Variants in CEP192 observed in about 807,000 individuals in gnomAD.
CEP192 encodes the protein centrosomal protein of 192 kDa.
In CEP192, 151 loss-of-function variants were observed where a neutral mutation model predicts 271.8. The ratio of observed to expected loss-of-function variants is 0.56; its 90% CI spans 0.49 to 0.64. The LOEUF (loss-of-function observed/expected upper bound fraction) is 0.64, where lower values mean the gene tolerates loss of function less well. Ranked by LOEUF, CEP192 falls within the 30% of genes least tolerant of loss-of-function variation. The pLI is 0.00. For missense variants in CEP192, 2,910 were observed against 3,020.5 expected (o/e 0.96, Z 0.86); for synonymous variants, 995 against 1,076.5 (o/e 0.92, Z 1.48).
chr18:13,113,055 T>A (rs1213132186), intron 40 of CEP192, among the ~76,000 whole-genome samples: 1 of 152,220 alleles, frequency 6.6e-6, no homozygotes, highest in Non-Finnish European at 1.5e-5. Context: ...GTGCCCAGGG[T>A]CACTGGCTGA....
At chr18:13,047,651 C>T (rs2036555534) in intron 15 of CEP192, among the ~76,000 whole-genome samples, 2 of 152,162 alleles carry the variant, frequency 1.3e-5, no homozygotes, top group Non-Finnish European at 2.9e-5. Flanking sequence ...GGTTGGTTTG[C>T]TTTACCTAGT....
chr18:13,025,067 C>T (rs879417502), intron 9 of CEP192, among the ~76,000 whole-genome samples: 62 of 152,134 alleles, frequency 4.1e-4, no homozygotes, highest in Admixed American at 1.4e-3. Context: ...CCACTGCACC[C>T]AGCCAGTTGG....
chr18:13,072,635 A>G (rs965543811), intron 28 of CEP192, 120 bp from the exon 29 acceptor site: 23 of 692,002 alleles, frequency 3.3e-5, no homozygotes, highest in Non-Finnish European at 5.4e-5. Flanking sequence ...AGGCTACTGA[A>G]ATGGCTTGTA....
At chr18:13,086,892 C>G in intron 30 of CEP192, 125 bp from the exon 31 acceptor site, 1 of 663,610 alleles carries the variant, frequency 1.5e-6, no homozygotes, top group South Asian at 2.4e-5. Flanking sequence ...AACTACTACC[C>G]AAAGTACACA....
chr18:13,074,700 A>G (rs1192269272), intron 30 of CEP192, among the ~76,000 whole-genome samples: 3 of 152,180 alleles, frequency 2.0e-5, no homozygotes, highest in Non-Finnish European at 2.9e-5. Flanking sequence ...CCTGTGGGCT[A>G]TGGATAAATA....
intron 21 of CEP192, among the ~76,000 whole-genome samples, chr18:13,065,814 T>G (rs2037666642): frequency 6.6e-6 from 1 of 152,160 alleles, no homozygotes; most frequent in Non-Finnish European, 1.5e-5. Flanking sequence ...TGCAACAAAC[T>G]GGGGGTACTA....
At position 13,029,644 on chromosome 18, in the gene CEP192, C is replaced by A. The variant is rs1599118611; in HGVS notation, c.1051-19C>A. On this transcript the variant is annotated intron_variant, in intron 9 of 44. Transcript: ENST00000506447. ...ACTTACTGTTGCTCTGTTAAAAAAT[C>A]TGATTTTTTGTTTTAAAGGAATGTG... 1 of 1,427,028 alleles carries A rather than the reference C, an allele frequency of 7.0e-7. No individual in the cohort carries two copies. The highest frequency in any genetic ancestry group is 9.3e-7 in the Non-Finnish European group (1 of 1,073,220). 88.4% of individuals were successfully genotyped at this position (1,427,028 alleles called of 1,614,324 possible). A position where few individuals can be genotyped will look rare whatever the true frequency, so the allele number is the denominator to read the frequency against.
At chr18:13,026,408 C>T (rs542614682) in intron 9 of CEP192, among the ~76,000 whole-genome samples, 2 of 152,072 alleles carry the variant, frequency 1.3e-5, no homozygotes, top group African/African-American at 4.8e-5. Context: ...ATTTGGAGTT[C>T]TGTGAGCTTC....
chr18:13,042,353 A>G lies in CEP192; in HGVS notation c.2067+19A>G, dbSNP rs547634330. On this transcript the variant is annotated intron_variant, in intron 15 of 44. Transcript: ENST00000506447. ...AACAGAGGTAGCTTCAGCCTTTCGTAAGGAAATCTAAGATTATCTTGTTGT... is the reference window on the plus strand; with the variant it reads ...AACAGAGGTAGCTTCAGCCTTTCGTGAGGAAATCTAAGATTATCTTGTTGT... 370 of 1,612,732 alleles carry G rather than the reference A, an allele frequency of 2.3e-4. 3 individuals carry two copies. In the South Asian group the frequency reaches 3.8e-3, roughly 17 times the overall value.
intron 44 of CEP192, among the ~76,000 whole-genome samples, chr18:13,121,952 TG>T (rs1732561564): frequency 6.6e-6 from 1 of 152,260 alleles, no homozygotes; most frequent in African/African-American, 2.4e-5. Context: ...ACCTTGTATG[TG>T]CTAGTGTACT....
At chr18:13,116,672 C>T (rs1433551819) in intron 43 of CEP192, among the ~76,000 whole-genome samples, 169 bp downstream of exon 43, 1 of 152,052 alleles carries the variant, frequency 6.6e-6, no homozygotes, top group African/African-American at 2.4e-5. Flanking sequence ...TGCAGTGGTG[C>T]GATCTCGGCT....
At position 13,019,218 on chromosome 18, in the gene CEP192, A is replaced by G. The variant is rs1645990820; in HGVS notation, c.1050+12A>G. 1 of 1,475,974 alleles carries G rather than the reference A, an allele frequency of 6.8e-7. No homozygotes were observed. The highest frequency in any genetic ancestry group is 9.0e-7 in the Non-Finnish European group (1 of 1,116,370). The allele number at this position is 1,475,974 out of a possible 1,614,324, so 91.4% of individuals were successfully genotyped here. ...CAGATCTTAACAGTGTAAGTTATGC[A>G]TTTTTCTTAGATTTCCTATAAAAAA... On this transcript the variant is annotated intron_variant, in intron 9 of 44. Coordinates refer to ENST00000506447, the MANE Select transcript of CEP192 (RefSeq NM_032142.4).
chr18:13,019,312 T>C lies in CEP192; in HGVS notation c.1050+106T>C, dbSNP rs936198025. On this transcript the variant is annotated intron_variant, in intron 9 of 44. Transcript: ENST00000506447. ...CAAAGAAACAGTAACTGTTGACTTC[T>C]GAAAAATACAGAAAAAGTACTCACT... The C allele has an allele frequency of 1.2e-5, 11 of 950,032 alleles. No homozygotes were observed. In the East Asian group the frequency reaches 3.5e-4, roughly 30 times the overall value. 58.9% of individuals were successfully genotyped at this position (950,032 alleles called of 1,614,324 possible).
chr18:13,122,841 G>A (rs908979244), intron 44 of CEP192, among the ~76,000 whole-genome samples: 64 of 53,880 alleles, frequency 1.2e-3, no homozygotes, highest in African/African-American at 4.7e-3. Context: ...CCGTGTGTGT[G>A]TGTGTGTGTG....
At chr18:13,003,057 T>C (rs557159265) in intron 3 of CEP192, among the ~76,000 whole-genome samples, 2 of 152,168 alleles carry the variant, frequency 1.3e-5, no homozygotes, top group East Asian at 1.9e-4. Context: ...AATTTTATAG[T>C]ATATTGAAAG....
chr18:13,071,385 A>G (rs185793161), intron 28 of CEP192, among the ~76,000 whole-genome samples, 173 bp downstream of exon 28: 183 of 152,324 alleles, frequency 1.2e-3, no homozygotes, highest in African/African-American at 4.3e-3. Flanking sequence ...TTTAACATAT[A>G]TTCCAGTCCT....
Position 13,117,609 on chromosome 18 carries a change from C to A in CEP192, c.7441C>A (p.Pro2481Thr), listed in dbSNP as rs755211322. 3.7e-6 allele frequency: 6 copies of A among 1,612,328 alleles called. No individual in the cohort carries two copies. The highest frequency in any genetic ancestry group is 4.2e-6 in the Non-Finnish European group (5 of 1,178,536). The change falls in exon 44 of 45, where the codon CCA becomes ACA. Residue 2481 changes from proline to threonine, a missense_variant. Pro to Thr is a conservative substitution (Grantham distance 38, BLOSUM62 -1). Transcript: ENST00000506447. ...GCTGAAGTTTTTGAGTCCCAGAGAGCCATTCTATGTCAAACATTCCAAGTA... is the reference window on the plus strand; with the variant it reads ...GCTGAAGTTTTTGAGTCCCAGAGAGACATTCTATGTCAAACATTCCAAGTA... Reference protein sequence around the residue: ...HSLKFLSPREPFYVKHSKYSL... With the variant: ...HSLKFLSPRETFYVKHSKYSL...
chr18:13,064,529 G>A (rs1414561533), intron 21 of CEP192, among the ~76,000 whole-genome samples: 1 of 151,078 alleles, frequency 6.6e-6, no homozygotes, highest in East Asian at 2.0e-4. Flanking sequence ...GGAGAATGAC[G>A]TGAACCCGGG....
rs1226079836 is a variant in CEP192, at chr18:13,071,142, T to A, written c.5278T>A (p.Leu1760Ile). Reference protein sequence around the residue: ...GSKPLSPGPCLDIPSILSNKQ... With the variant: ...GSKPLSPGPCIDIPSILSNKQ... ...TAAACCTCTGTCACCTGGACCTTGC[T>A]TAGATATTCCATCGATTTTGTCCAA... The change falls in exon 28 of 45, where the codon TTA becomes ATA. Residue 1760 changes from leucine to isoleucine, a missense_variant. Coordinates refer to ENST00000506447, the MANE Select transcript of CEP192 (RefSeq NM_032142.4). The A allele has an allele frequency of 6.2e-7, 1 of 1,614,046 alleles. No homozygotes were observed. Among genetic ancestry groups the A allele is most frequent in the Non-Finnish European group, 8.5e-7 (1 of 1,179,992 alleles).
Sources: gnomAD v4.1 joint callset for allele counts (sites outside exome capture counted in the v4.1 genomes callset) on GRCh38, gnomAD v4.1.1 for gene constraint, MANE v1.5 for transcripts, NCBI Gene and HGNC (gene_info 2026-07-23, HGNC 2026-07-21) for gene names.